Variants in MROH7 observed in about 807,000 individuals in gnomAD.
MROH7 encodes maestro heat-like repeat-containing protein family member 7.
In MROH7, 113 loss-of-function variants were observed where a neutral mutation model predicts 129.2. That is an observed-to-expected ratio of 0.87 (90% CI 0.75 to 1.02). The LOEUF (loss-of-function observed/expected upper bound fraction) is 1.02, where lower values mean the gene tolerates loss of function less well. Ranked by LOEUF, MROH7 falls within the 50% of genes least tolerant of loss-of-function variation. MROH7 has a pLI of 0.00. For synonymous variants in MROH7, 655 were observed against 667.9 expected (o/e 0.98, Z 0.30); for missense variants, 1,601 against 1,671.3 (o/e 0.96, Z 0.73).
Position 54,699,117 on chromosome 1 carries a change from TC to T in MROH7, c.2965-1203del, listed in dbSNP as rs1454863031. On this transcript the variant is annotated intron_variant, in intron 17 of 23. Transcript: ENST00000421030. ...CCTTTTCTTTCTTTCTTTCTTTCTTTCTTTCTTTCTTTCTTTCTTTCTTTCT... is the reference window on the plus strand; with the variant it reads ...CCTTTTCTTTCTTTCTTTCTTTCTTTTTTCTTTCTTTCTTTCTTTCTTTCT... The T allele has an allele frequency of 1.1e-3, 95 of 85,272 alleles. 1 individual carries two copies. Among genetic ancestry groups the T allele is most frequent in the African/African-American group, 3.9e-3 (89 of 23,038 alleles). The allele number at this position is 85,272 out of a possible 1,614,324, so 5.3% of individuals were successfully genotyped here.
chr1:54,697,150 A>T (rs1049009501), intron 17 of MROH7: 6 of 153,316 alleles, frequency 3.9e-5, no homozygotes, highest in African/African-American at 1.2e-4. Flanking sequence ...TAGGATCTGT[A>T]TAGTGAGGCT....
chr1:54,692,295 T>G lies in MROH7; in HGVS notation c.2712-129T>G, dbSNP rs1019327034. On this transcript the variant is annotated intron_variant, in intron 15 of 23. Coordinates refer to ENST00000421030, the MANE Select transcript of MROH7 (RefSeq NM_001039464.4). ...AAAAAGCCACCCTTTGTGGATACAC[T>G]GAATACCCCTACCTAAAATGGTGAA... The G allele has an allele frequency of 3.4e-6, 4 of 1,177,606 alleles. No individual in the cohort carries two copies. The African/African-American group carries it at 6.1e-5, about 18-fold the overall frequency. The allele number at this position is 1,177,606 out of a possible 1,614,324, so 72.9% of individuals were successfully genotyped here.
chr1:54,651,091 A>C (rs1644547582), intron 1 of MROH7: 1 of 152,142 alleles, frequency 6.6e-6, no homozygotes, highest in African/African-American at 2.4e-5. Flanking sequence ...CCCTTCCCCC[A>C]CCACCACTGT....
chr1:54,690,593 G>A (rs373354342), intron 15 of MROH7, among the ~76,000 whole-genome samples: 76 of 152,002 alleles, frequency 5.0e-4, no homozygotes, highest in African/African-American at 1.7e-3. Flanking sequence ...ACAGGCGCCC[G>A]CCACCACGCC....
intron 15 of MROH7, among the ~76,000 whole-genome samples, chr1:54,690,518 A>G (rs961534341): frequency 7.4e-5 from 11 of 148,678 alleles, no homozygotes; most frequent in African/African-American, 1.5e-4. Flanking sequence ...ACCTCAGCTC[A>G]CTGCAAACTC....
At position 54,676,373 on chromosome 1, in the gene MROH7, G is replaced by C. The variant is rs1390675603; in HGVS notation, c.1936+2222G>C. On this transcript the variant is annotated intron_variant, in intron 10 of 23. Coordinates refer to ENST00000421030, the MANE Select transcript of MROH7 (RefSeq NM_001039464.4). ...CCACCTCAGCCTCCAGAGTAGCTGG[G>C]ACTACAGGCACGTGCCACCATGCCC... Among the ~76,000 whole-genome samples, 3 of 151,972 alleles carry C rather than the reference G, an allele frequency of 2.0e-5. No homozygotes were observed. The East Asian group carries it at 5.8e-4, about 29-fold the overall frequency.
At chr1:54,701,957 G>T in intron 19 of MROH7, 133 bp from the exon 20 acceptor site, 1 of 715,440 alleles carries the variant, frequency 1.4e-6, no homozygotes, top group Non-Finnish European at 2.1e-6. Context: ...TTTTAGGTTA[G>T]TGGGGGTCTG....
At chr1:54,705,702 A>G (rs150701976) in intron 21 of MROH7, among the ~76,000 whole-genome samples, 16 of 152,198 alleles carry the variant, frequency 1.1e-4, no homozygotes, top group Admixed American at 3.9e-4. Flanking sequence ...CATGGTGGGC[A>G]TGACAGGTGG....
At chr1:54,701,452 A>G in intron 19 of MROH7, 130 bp downstream of exon 19, 1 of 690,878 alleles carries the variant, frequency 1.4e-6, no homozygotes, top group Non-Finnish European at 2.3e-6. Flanking sequence ...TGGGAGAGGA[A>G]CTTTGTCCCA....
At chr1:54,685,408 T>G (rs1158658020) in intron 14 of MROH7, among the ~76,000 whole-genome samples, 1 of 152,232 alleles carries the variant, frequency 6.6e-6, no homozygotes, top group Non-Finnish European at 1.5e-5. Flanking sequence ...AACACTCCTG[T>G]GGGGCTGGCC....
chr1:54,643,854 A>G (rs1412699770), intron 1 of MROH7, among the ~76,000 whole-genome samples: 1 of 152,132 alleles, frequency 6.6e-6, no homozygotes, highest in African/African-American at 2.4e-5. Flanking sequence ...GTGGTTGAGA[A>G]TTTTCTTTCA....
intron 10 of MROH7, among the ~76,000 whole-genome samples, chr1:54,677,139 C>T (rs1015701184): frequency 2.1e-4 from 32 of 152,162 alleles, no homozygotes; most frequent in Middle Eastern, 3.4e-3. Context: ...TGGCTCACGC[C>T]TGTAATTCCA....
At position 54,703,364 on chromosome 1, in the gene MROH7, T is replaced by G. The variant is rs746996476; in HGVS notation, c.3564+619T>G. 2.0e-5 allele frequency among the ~76,000 whole-genome samples: 3 copies of G among 152,024 alleles called. No individual in the cohort carries two copies. Among genetic ancestry groups the G allele is most frequent in the Non-Finnish European group, 4.4e-5 (3 of 68,002 alleles). On this transcript the variant is annotated intron_variant, in intron 21 of 23. Transcript: ENST00000421030. The surrounding 1 kb of genome is among the most constrained non-coding windows in gnomAD (Gnocchi z 4.4). ...TTTTCTACAACATCAATTCCCAGAG[T>G]TGTATTACCTGCAACACCAGTCTCA...
At position 54,653,969 on chromosome 1, in the gene MROH7, C is replaced by G; in HGVS notation, c.1043C>G (p.Thr348Ser). The change falls in exon 3 of 24, where the codon ACC becomes AGC. Residue 348 changes from threonine (T) to serine (S), a missense_variant. Transcript: ENST00000421030. Reference protein sequence around the residue: ...SLDSSLLFSDTSTLTLSSQQD... With the variant: ...SLDSSLLFSDSSTLTLSSQQD... ...GACTCCAGCCTCCTGTTCAGCGACACCTCCACCTTGACGCTGAGCAGTCAG... is the reference window on the plus strand; with the variant it reads ...GACTCCAGCCTCCTGTTCAGCGACAGCTCCACCTTGACGCTGAGCAGTCAG... 1 of 1,614,258 alleles carries G rather than the reference C, an allele frequency of 6.2e-7. No homozygotes were observed. The highest frequency in any genetic ancestry group is 8.5e-7 in the Non-Finnish European group (1 of 1,180,048).
chr1:54,651,088 C>CCCA, intron 1 of MROH7: 1 of 152,332 alleles, frequency 6.6e-6, no homozygotes, highest in African/African-American at 2.4e-5. Flanking sequence ...TGGCCCTTCC[C>CCCA]CCACCACCAC....
intron 16 of MROH7, 76 bp downstream of exon 16, chr1:54,692,637 G>A: frequency 6.8e-7 from 1 of 1,472,874 alleles, no homozygotes; most frequent in Admixed American, 2.0e-5. Context: ...GACGGACTTG[G>A]TCTGCATCTC....
chr1:54,653,189 C>T lies in MROH7; in HGVS notation c.263C>T (p.Ala88Val). ...ACCCCCAGACCTGATGACAGCAGAG[C>T]TATCGCTCCAGCCTCCCTCCAGATC... ...ENTPRPDDSR[A>V]IAPASLQITS... The change falls in exon 3 of 24, where the codon GCT becomes GTT. Residue 88 changes from alanine (A) to valine (V), a missense_variant. By Grantham distance (64) the Ala-to-Val change is moderately conservative. Transcript: ENST00000421030. The T allele has an allele frequency of 1.9e-6, 3 of 1,614,224 alleles. No individual in the cohort carries two copies. The highest frequency in any genetic ancestry group is 2.5e-6 in the Non-Finnish European group (3 of 1,180,040).
At chr1:54,687,512 C>T (rs1645167671) in intron 15 of MROH7, among the ~76,000 whole-genome samples, 1 of 152,176 alleles carries the variant, frequency 6.6e-6, no homozygotes, top group Non-Finnish European at 1.5e-5. Flanking sequence ...AGTGAGTTTG[C>T]TTGTTTATAT....
rs1380496324 is a variant in MROH7, at chr1:54,652,839, TTC to T, written c.-74-5_-74-4del. 6.7e-7 allele frequency: 1 copy of T among 1,500,336 alleles called. No individual in the cohort carries two copies. The highest frequency in any genetic ancestry group is 8.9e-7 in the Non-Finnish European group (1 of 1,121,084). The allele number at this position is 1,500,336 out of a possible 1,614,324, so 92.9% of individuals were successfully genotyped here. ...GGTGTGGCATGGCTGCATTTGTCTT[TTC>T]TCTCTCTCAAGACTGCTGCTGGGAA... On this transcript the variant is annotated splice_polypyrimidine_tract_variant and intron_variant, in intron 2 of 23. Coordinates refer to ENST00000421030, the MANE Select transcript of MROH7 (RefSeq NM_001039464.4).
Sources: allele counts gnomAD v4.1 joint callset (sites outside exome capture counted in the v4.1 genomes callset), GRCh38; gene constraint gnomAD v4.1.1; non-coding constraint Gnocchi (gnomAD v3.1); transcripts MANE v1.5; gene names NCBI Gene and HGNC (gene_info 2026-07-23, HGNC 2026-07-21).